The following CCDC126 variants were observed in gnomAD, a reference collection of about 807,000 sequenced individuals.
The protein encoded by CCDC126 is coiled-coil domain-containing protein 126.
A neutral mutation model predicts 11.7 loss-of-function variants in CCDC126; 5 were observed. The ratio of observed to expected loss-of-function variants is 0.43; its 90% CI spans 0.22 to 0.90. CCDC126 has a LOEUF of 0.90. CCDC126 is among the 40% of genes least tolerant of loss of function. The pLI is 0.27. For missense variants in CCDC126, 150 were observed against 163.1 expected (o/e 0.92, Z 0.44); for synonymous variants, 60 against 61.9 (o/e 0.97, Z 0.14).
In CCDC126 at chr7:23,621,253, G is replaced by C. The variant is rs1303252968; in HGVS notation, c.238+9700G>C. On this transcript the variant is annotated intron_variant, in intron 3 of 3. Transcript: ENST00000307471. ...ATTTGTTTGTATCCTCTTTTATTTC[G>C]TTGAGCAGTGGTTTGTAGTTCTCCT... Among the ~76,000 whole-genome samples, 27 of 152,012 alleles carry C rather than the reference G, an allele frequency of 1.8e-4. No homozygotes were observed. In the East Asian group the frequency reaches 2.1e-3, roughly 12 times the overall value.
chr7:23,643,008 T>A lies in CCDC126; in HGVS notation c.316T>A (p.Tyr106Asn). ...RLVKLENKVD[Y>N]IVVNGSAANT... Reference sequence around the variant, plus strand: ...GGTGAAGCTGGAGAACAAAGTTGACTATATTGTTGTGAATGGCTCAGCAGC... The same window carrying A: ...GGTGAAGCTGGAGAACAAAGTTGACAATATTGTTGTGAATGGCTCAGCAGC... The change falls in exon 4 of 4, where the codon TAT becomes AAT. Residue 106 changes from tyrosine (Y) to asparagine (N), a missense_variant. Physicochemically the swap from Tyr to Asn is moderately radical, Grantham distance 143. Coordinates refer to ENST00000307471, the MANE Select transcript of CCDC126 (RefSeq NM_138771.4). The A allele has an allele frequency of 6.2e-7, 1 of 1,614,158 alleles. No homozygotes were observed. Among genetic ancestry groups the A allele is most frequent in the Non-Finnish European group, 8.5e-7 (1 of 1,179,988 alleles).
At chr7:23,626,857 T>A (rs1015544678) in intron 3 of CCDC126, among the ~76,000 whole-genome samples, 1 of 152,250 alleles carries the variant, frequency 6.6e-6, no homozygotes, top group African/African-American at 2.4e-5. Context: ...AATTCAACTT[T>A]ATAATGACCT....
chr7:23,606,157 C>T (rs1438759732), intron 2 of CCDC126, among the ~76,000 whole-genome samples: 1 of 152,088 alleles, frequency 6.6e-6, no homozygotes, highest in Non-Finnish European at 1.5e-5. Flanking sequence ...CTCCTGGGTT[C>T]ACGCCATTCT....
chr7:23,636,242 C>A (rs1455743055), intron 3 of CCDC126, among the ~76,000 whole-genome samples: 1 of 152,294 alleles, frequency 6.6e-6, no homozygotes, highest in African/African-American at 2.4e-5. Flanking sequence ...CTGCCTTGGC[C>A]CCCCAAAGTG....
rs1782684673 is a variant in CCDC126 at position 23,610,101 on chromosome 7, G to T, written c.-145-1070G>T. Among the ~76,000 whole-genome samples, 4 of 152,138 alleles carry T rather than the reference G, an allele frequency of 2.6e-5. No homozygotes were observed. In the South Asian group the frequency reaches 6.2e-4, roughly 24 times the overall value. ...ACACCTTTCTGTGTTTTAAAAACTT[G>T]AAGTATAACCTTTTAATTTTTTCTT... On this transcript the variant is annotated intron_variant, in intron 2 of 3. Transcript: ENST00000307471.
intron 3 of CCDC126, among the ~76,000 whole-genome samples, chr7:23,632,190 T>G (rs1783127833): frequency 6.7e-6 from 1 of 150,238 alleles, no homozygotes; most frequent in South Asian, 2.1e-4. Flanking sequence ...GCCTCCCAGG[T>G]TCAAGTGATT....
chr7:23,620,269 C>G (rs1311944712), intron 3 of CCDC126, among the ~76,000 whole-genome samples: 1 of 152,188 alleles, frequency 6.6e-6, no homozygotes, highest in Non-Finnish European at 1.5e-5. Flanking sequence ...TTAATGATCG[C>G]CATTCTAACT....
rs972311825 is a variant in CCDC126, at chr7:23,611,111, C to T, written c.-145-60C>T. ...AATTATAGAATATTTTCTTTATAGT[C>T]GTCTGTTCTGTTACTGATACAGATT... On this transcript the variant is annotated intron_variant, in intron 2 of 3. Coordinates refer to ENST00000307471, the MANE Select transcript of CCDC126 (RefSeq NM_138771.4). 46 of 428,100 alleles carry T rather than the reference C, an allele frequency of 1.1e-4. No individual in the cohort carries two copies. In the South Asian group the frequency reaches 1.2e-3, roughly 11 times the overall value. The allele number at this position is 428,100 out of a possible 1,614,324, so 26.5% of individuals were successfully genotyped here. A position where few individuals can be genotyped will look rare whatever the true frequency, so the allele number is the denominator to read the frequency against.
chr7:23,633,091 C>T (rs1783144108), intron 3 of CCDC126, among the ~76,000 whole-genome samples: 1 of 152,074 alleles, frequency 6.6e-6, no homozygotes, highest in East Asian at 1.9e-4. Context: ...TTCCTGAGTT[C>T]AAGCGATTTT....
chr7:23,617,217 A>C (rs1345316418), intron 3 of CCDC126, among the ~76,000 whole-genome samples: 5 of 151,674 alleles, frequency 3.3e-5, no homozygotes, highest in Non-Finnish European at 7.4e-5. Flanking sequence ...ACGTGGTGGC[A>C]CACACCTGTA....
At chr7:23,632,554 C>G (rs1197532857) in intron 3 of CCDC126, among the ~76,000 whole-genome samples, 1 of 152,176 alleles carries the variant, frequency 6.6e-6, no homozygotes, top group Non-Finnish European at 1.5e-5. Context: ...TATTCTGCGT[C>G]TTAACTCTTA....
At chr7:23,630,353 G>A (rs1176792331) in intron 3 of CCDC126, among the ~76,000 whole-genome samples, 1 of 151,910 alleles carries the variant, frequency 6.6e-6, no homozygotes, top group Non-Finnish European at 1.5e-5. Context: ...ACAAAAATTA[G>A]CTGCTTGTGG....
intron 3 of CCDC126, among the ~76,000 whole-genome samples, chr7:23,612,389 C>T (rs527397380): frequency 2.2e-4 from 30 of 136,106 alleles, no homozygotes; most frequent in Admixed American, 1.4e-3. Flanking sequence ...GCAGGAGAAT[C>T]GCTTGAACCC....
intron 3 of CCDC126, among the ~76,000 whole-genome samples, chr7:23,632,781 G>A (rs1026582203): frequency 2.0e-4 from 31 of 152,272 alleles, no homozygotes; most frequent in African/African-American, 6.7e-4. Flanking sequence ...TTCCAGATAC[G>A]TTAAAGGAAA....
At chr7:23,638,712 T>TAAAAAAAAAAAATTAAAAAAAAAAAAAAA (rs1783290721) in intron 3 of CCDC126, among the ~76,000 whole-genome samples, 1 of 44,428 alleles carries the variant, frequency 2.3e-5, no homozygotes, top group Non-Finnish European at 4.4e-5. Flanking sequence ...GAATGATCAA[T>TAAAAAAAAAAAATTAAAAAAAAAAAAAAA]AAAAAAAAAA....
At chr7:23,608,733 G>A (rs1040776147) in intron 2 of CCDC126, among the ~76,000 whole-genome samples, 2 of 152,152 alleles carry the variant, frequency 1.3e-5, no homozygotes, top group African/African-American at 4.8e-5. Context: ...CTCCTTGCCC[G>A]ATGCCTAGAC....
chr7:23,643,171 A>C lies in CCDC126; in HGVS notation c.*56A>C, dbSNP rs1362159761. ...CACTGTGGATTATATCCTATGGCAG[A>C]AAAGCTTTATAATTGCTGGCTTAGG... is the stretch of plus-strand genomic sequence containing the variant. On this transcript the variant is annotated 3_prime_UTR_variant, in exon 4 of 4. Transcript: ENST00000307471. 6.7e-7 allele frequency: 1 copy of C among 1,486,782 alleles called. No individual in the cohort carries two copies. The highest frequency in any genetic ancestry group is 9.2e-7 in the Non-Finnish European group (1 of 1,087,554). The allele number at this position is 1,486,782 out of a possible 1,614,324, so 92.1% of individuals were successfully genotyped here.
At chr7:23,642,483 C>T (rs2128023614) in intron 3 of CCDC126, among the ~76,000 whole-genome samples, 1 of 152,162 alleles carries the variant, frequency 6.6e-6, no homozygotes. Context: ...AAAATTAGGG[C>T]CAGGAGCAGT....
At chr7:23,636,420 G>T (rs1475732173) in intron 3 of CCDC126, among the ~76,000 whole-genome samples, 1 of 150,420 alleles carries the variant, frequency 6.6e-6, no homozygotes, top group Non-Finnish European at 1.5e-5. Flanking sequence ...AGCGAGGAGC[G>T]CCTCTTCGCC....
Sources: allele counts gnomAD v4.1 joint callset (sites outside exome capture counted in the v4.1 genomes callset), GRCh38; gene constraint gnomAD v4.1.1; transcripts MANE v1.5; gene names NCBI Gene and HGNC (gene_info 2026-07-23, HGNC 2026-07-21).